CLASP2: variants seen among roughly 807,000 people sequenced by gnomAD.
CLASP2 encodes CLIP-associating protein 2.
A neutral mutation model predicts 194.4 loss-of-function variants in CLASP2; 47 were observed. That is an observed-to-expected ratio of 0.24 (90% confidence interval 0.19 to 0.31). The LOEUF is 0.31. Ranked by LOEUF, CLASP2 falls within the 10% of genes least tolerant of loss-of-function variation. The probability of loss-of-function intolerance (pLI) is 1.00; values close to 1 mark genes in which losing one functional copy is unlikely to be tolerated. For synonymous variants in CLASP2, 619 were observed against 633.5 expected (o/e 0.98, Z 0.34); for missense variants, 1,445 against 1,823.6 (o/e 0.79, Z 3.78).
At position 33,576,202 on chromosome 3, in the gene CLASP2, A is replaced by G; in HGVS notation, c.2421T>C (p.Gly807=). The G allele has an allele frequency of 6.2e-7, 1 of 1,613,832 alleles. No homozygotes were observed. The highest frequency in any genetic ancestry group is 8.5e-7 in the Non-Finnish European group (1 of 1,179,770). The change falls in exon 24 of 39, where the codon GGT becomes GGC. Residue 807 remains glycine (G), a synonymous_variant. Coordinates refer to ENST00000682230, the MANE Select transcript of CLASP2 (RefSeq NM_001365631.1). ...CTGCCACCGCCTCCTCCACATCAGA[A>G]CCTGTGTTCAGGACTCGCATGGCAC... ...SVSAMRVLNT[G]SDVEEAVADA...
At chr3:33,682,687 C>G (rs948070495) in intron 6 of CLASP2, among the ~76,000 whole-genome samples, 10 of 152,260 alleles carry the variant, frequency 6.6e-5, no homozygotes, top group Admixed American at 6.5e-4. Context: ...TCAGCAGGAT[C>G]TTTAGTGATC....
chr3:33,695,708 G>C (rs1277365565), intron 2 of CLASP2, among the ~76,000 whole-genome samples: 1 of 152,148 alleles, frequency 6.6e-6, no homozygotes, highest in African/African-American at 2.4e-5. Flanking sequence ...GGGAGGCCGA[G>C]GTGAGAGGAC....
chr3:33,689,644 A>T (rs1180349959), intron 3 of CLASP2, 185 bp downstream of exon 3: 2 of 441,526 alleles, frequency 4.5e-6, no homozygotes, highest in Non-Finnish European at 8.0e-6. Flanking sequence ...CATTAAGAGT[A>T]CAAAATAAGA....
intron 1 of CLASP2, among the ~76,000 whole-genome samples, chr3:33,704,414 C>T (rs979588082): frequency 2.0e-5 from 3 of 151,990 alleles, no homozygotes; most frequent in Non-Finnish European, 4.4e-5. Flanking sequence ...TATTAAAAAA[C>T]AAAAATGGGC....
chr3:33,573,130 T>C lies in CLASP2; in HGVS notation c.2679A>G (p.Leu893=). ...KEGLLGLQNL[L]KNQRTLSRVE... ...CTCACCTTAGTGTTCTCTGATTTTT[T>C]AATAAGTTCTGCAGACCTAGGAGGC... Residue 893 remains leucine, a synonymous_variant, in exon 25 of 39, where the codon TTA becomes TTG. Coordinates refer to ENST00000682230, the MANE Select transcript of CLASP2 (RefSeq NM_001365631.1). The C allele has an allele frequency of 6.2e-7, 1 of 1,613,740 alleles. No homozygotes were observed. The highest frequency in any genetic ancestry group is 8.5e-7 in the Non-Finnish European group (1 of 1,179,720).
At chr3:33,580,924 G>A (rs1442906545) in intron 23 of CLASP2, among the ~76,000 whole-genome samples, 1 of 146,910 alleles carries the variant, frequency 6.8e-6, no homozygotes, top group African/African-American at 2.5e-5. Flanking sequence ...GCTGAGGCAG[G>A]AGAATGGTGT....
rs370725685 is a variant in CLASP2 at position 33,513,337 on chromosome 3, G to C, written c.4111-2573C>G. Among the ~76,000 whole-genome samples, 12 of 152,210 alleles carry C rather than the reference G, an allele frequency of 7.9e-5. No individual in the cohort carries two copies. In the East Asian group the frequency reaches 1.2e-3, roughly 15 times the overall value. On this transcript the variant is annotated intron_variant, in intron 36 of 38. Coordinates refer to ENST00000682230, the MANE Select transcript of CLASP2 (RefSeq NM_001365631.1). Reference sequence around the variant, plus strand: ...GCAGATCACTTGAGGCCAGGAGTTCGAGACCAGCCTTGCAAACACAGCGAA... The same window carrying C: ...GCAGATCACTTGAGGCCAGGAGTTCCAGACCAGCCTTGCAAACACAGCGAA...
chr3:33,520,275 G>A (rs1360539607), intron 34 of CLASP2, among the ~76,000 whole-genome samples: 1 of 152,176 alleles, frequency 6.6e-6, no homozygotes, highest in Non-Finnish European at 1.5e-5. Context: ...CAAAGTGTTG[G>A]GATTACAGGC....
rs1192222937 is a variant in CLASP2, at chr3:33,696,857, A to G, written c.272T>C (p.Met91Thr). 2 of 1,577,206 alleles carry G rather than the reference A, an allele frequency of 1.3e-6. No homozygotes were observed. Among genetic ancestry groups the G allele is most frequent in the Non-Finnish European group, 1.7e-6 (2 of 1,156,708 alleles). The change falls in exon 2 of 39, where the codon ATG (methionine) becomes ACG (threonine). Residue 91 changes from methionine to threonine, a missense_variant and splice_region_variant. Met to Thr is a moderately conservative substitution (Grantham distance 81). Around this residue, in one of 4 missense-constraint regions of CLASP2, gnomAD observed 332 missense variants for 325.3 expected, o/e 1.02. Coordinates refer to ENST00000682230, the MANE Select transcript of CLASP2 (RefSeq NM_001365631.1). ...GTAAATAAACAAAGTTAACTTACCC[A>G]TTGCTACATAGGATTTAAAGCGTGT... ...LSTRFKSYVA[M>T]VIVALIDRMG...
intron 1 of CLASP2, among the ~76,000 whole-genome samples, chr3:33,717,098 C>G (rs2093332892): frequency 6.6e-6 from 1 of 152,190 alleles, no homozygotes; most frequent in Non-Finnish European, 1.5e-5. Context: ...CATTCTTTCT[C>G]GCACCTCATC....
At position 33,617,753 on chromosome 3, in the gene CLASP2, G is replaced by A. The variant is rs189424535; in HGVS notation, c.1317+1850C>T. ...ACTGACAATCCATAGAATTATAGAA[G>A]GAAAAAAATAGCTAACATCCCTAAT... is the stretch of plus-strand genomic sequence containing the variant. On this transcript the variant is annotated intron_variant, in intron 12 of 38. Coordinates refer to ENST00000682230, the MANE Select transcript of CLASP2 (RefSeq NM_001365631.1). Among the ~76,000 whole-genome samples the A allele has an allele frequency of 1.3e-4, 20 of 150,164 alleles. 1 individual carries two copies. Among genetic ancestry groups the A allele is most frequent in the Admixed American group, 7.3e-4 (11 of 15,106 alleles).
chr3:33,569,551 A>C (rs570892756), intron 26 of CLASP2, among the ~76,000 whole-genome samples: 1 of 152,360 alleles, frequency 6.6e-6, no homozygotes, highest in Admixed American at 6.5e-5. Context: ...TTTACATTAA[A>C]GTAAGACTAA....
At chr3:33,550,870 T>G (rs2059911517) in intron 30 of CLASP2, among the ~76,000 whole-genome samples, 1 of 152,194 alleles carries the variant, frequency 6.6e-6, no homozygotes, top group Non-Finnish European at 1.5e-5. Context: ...GGTCCTCACT[T>G]AACAAAATAG....
intron 30 of CLASP2, among the ~76,000 whole-genome samples, chr3:33,549,523 T>G (rs1430119531): frequency 6.6e-6 from 1 of 152,060 alleles, no homozygotes; most frequent in African/African-American, 2.4e-5. Flanking sequence ...TGTTTGTGGG[T>G]TTTCTAAATA....
chr3:33,516,629 T>G (rs1396339602), intron 35 of CLASP2, among the ~76,000 whole-genome samples: 1 of 152,098 alleles, frequency 6.6e-6, no homozygotes, highest in Admixed American at 6.6e-5. Flanking sequence ...ATCACACCAC[T>G]GCATTCCAGC....
intron 34 of CLASP2, among the ~76,000 whole-genome samples, chr3:33,524,454 A>G (rs1172030029): frequency 6.6e-6 from 1 of 152,122 alleles, no homozygotes; most frequent in African/African-American, 2.4e-5. Context: ...GTTTAAGACC[A>G]GACCAGGCAA....
chr3:33,670,791 G>T (rs192054753), intron 6 of CLASP2, among the ~76,000 whole-genome samples: 17 of 152,280 alleles, frequency 1.1e-4, no homozygotes, highest in Non-Finnish European at 2.4e-4. Context: ...TGGTGCAGAG[G>T]GAGATCACAC....
chr3:33,591,806 A>C (rs950073276), intron 21 of CLASP2, among the ~76,000 whole-genome samples: 3 of 152,226 alleles, frequency 2.0e-5, no homozygotes, highest in Non-Finnish European at 2.9e-5. Flanking sequence ...GTCATTTCAA[A>C]TTATGTTTCC....
intron 18 of CLASP2, among the ~76,000 whole-genome samples, chr3:33,599,918 C>A (rs1397703793): frequency 6.6e-6 from 1 of 151,920 alleles, no homozygotes; most frequent in Non-Finnish European, 1.5e-5. Flanking sequence ...CTCCTTTTTA[C>A]AATGAAACAT....
Sources: gnomAD v4.1 joint callset for allele counts (sites outside exome capture counted in the v4.1 genomes callset) on GRCh38, gnomAD v4.1.1 for gene constraint, gnomAD v4.1.1 regional missense constraint, MANE v1.5 for transcripts, NCBI Gene and HGNC (gene_info 2026-07-23, HGNC 2026-07-21) for gene names.